Variants in DNAH5 observed in about 807,000 individuals in gnomAD.
DNAH5 encodes axonemal beta dynein heavy chain 5.
In DNAH5, 372 loss-of-function variants were observed where a neutral mutation model predicts 518.2. That is an observed-to-expected ratio of 0.72 (90% confidence interval 0.66 to 0.78). The LOEUF (loss-of-function observed/expected upper bound fraction) is 0.78. Ranked by LOEUF, DNAH5 falls within the 30% of genes least tolerant of loss-of-function variation. The probability of loss-of-function intolerance (pLI) is 0.00; values close to 1 mark genes in which losing one functional copy is unlikely to be tolerated. For missense variants in DNAH5, 5,523 were observed against 5,687.0 expected (o/e 0.97, Z 0.93); for synonymous variants, 2,039 against 2,025.9 (o/e 1.01, Z -0.17).
intron 47 of DNAH5, among the ~76,000 whole-genome samples, chr5:13,796,690 G>GA (rs1251195584): frequency 6.6e-6 from 1 of 152,038 alleles, no homozygotes; most frequent in Non-Finnish European, 1.5e-5. Flanking sequence ...CACAGAATTG[G>GA]AAAAAACTAC....
At chr5:13,706,603 C>A (rs749776869) in intron 76 of DNAH5, among the ~76,000 whole-genome samples, 4 of 152,212 alleles carry the variant, frequency 2.6e-5, no homozygotes, top group Non-Finnish European at 5.9e-5. Flanking sequence ...CAGACACATG[C>A]ACACACAAAT....
At chr5:13,708,017 A>G in intron 76 of DNAH5, 106 bp downstream of exon 76, 1 of 1,358,782 alleles carries the variant, frequency 7.4e-7, no homozygotes, top group Non-Finnish European at 1.1e-6. Flanking sequence ...GTCCCTGTGC[A>G]AAAGAATCAT....
chr5:13,729,355 C>G (rs1746187056), intron 69 of DNAH5, 84 bp downstream of exon 69: 1 of 1,564,926 alleles, frequency 6.4e-7, no homozygotes, highest in South Asian at 1.1e-5. Flanking sequence ...AGAACTATCT[C>G]TCTTCCACAA....
At chr5:13,749,740 C>T (rs1749938122) in intron 65 of DNAH5, among the ~76,000 whole-genome samples, 1 of 152,182 alleles carries the variant, frequency 6.6e-6, no homozygotes, top group Non-Finnish European at 1.5e-5. Context: ...CCAAAAGACC[C>T]TCAGGAACTT....
intron 52 of DNAH5, 39 bp from the exon 53 acceptor site, chr5:13,780,998 T>G: frequency 6.2e-7 from 1 of 1,607,752 alleles, no homozygotes; most frequent in Non-Finnish European, 8.5e-7. Context: ...TCTTTCAACA[T>G]GTAAATGTTC....
At chr5:13,887,507 A>C (rs896913185) in intron 17 of DNAH5, among the ~76,000 whole-genome samples, 22 of 152,154 alleles carry the variant, frequency 1.4e-4, no homozygotes, top group African/African-American at 5.3e-4. Context: ...ACTAACCTCC[A>C]TGATGACACC....
At chr5:14,008,925 G>C (rs954581871) in intron 1 of DNAH5, among the ~76,000 whole-genome samples, 1 of 152,140 alleles carries the variant, frequency 6.6e-6, no homozygotes, top group African/African-American at 2.4e-5. Context: ...CCCATGCATC[G>C]GGCCTGGCCA....
intron 52 of DNAH5, among the ~76,000 whole-genome samples, chr5:13,784,185 T>G (rs550525745): frequency 1.5e-4 from 23 of 152,294 alleles, no homozygotes; most frequent in African/African-American, 5.5e-4. Context: ...CCCAGGTCAT[T>G]CAGATTCTGT....
chr5:13,769,274 G>A (rs1752967907), intron 57 of DNAH5, 138 bp from the exon 58 acceptor site: 12 of 909,264 alleles, frequency 1.3e-5, no homozygotes, highest in East Asian at 2.6e-5. Context: ...TTGAGATGGA[G>A]TCTCGCTCTG....
At chr5:13,859,650 G>T (rs747618949) in intron 29 of DNAH5, 45 bp from the exon 30 acceptor site, 1 of 1,579,056 alleles carries the variant, frequency 6.3e-7, no homozygotes, top group Non-Finnish European at 8.7e-7. Context: ...TTTTTGTTGT[G>T]CTGTTGTTTC....
At chr5:13,840,850 G>A (rs1445015678) in intron 34 of DNAH5, 56 bp downstream of exon 34, 1 of 1,392,320 alleles carries the variant, frequency 7.2e-7, no homozygotes. Context: ...GGTAAATGCA[G>A]ATAGTGTCTA....
At chr5:13,751,385 G>C in intron 64 of DNAH5, 125 bp from the exon 65 acceptor site, 1 of 985,580 alleles carries the variant, frequency 1.0e-6, no homozygotes, top group Non-Finnish European at 1.5e-6. Context: ...TACTAAAAAA[G>C]AAATGGTCAT....
intron 42 of DNAH5, among the ~76,000 whole-genome samples, chr5:13,816,944 T>C (rs1761527064): frequency 6.6e-6 from 1 of 152,140 alleles, no homozygotes; most frequent in East Asian, 1.9e-4. Flanking sequence ...TGATGTCACC[T>C]CTTCCCACCG....
chr5:13,691,763 T>C lies in DNAH5; in HGVS notation c.*221A>G. 1.7e-6 allele frequency: 1 copy of C among 575,452 alleles called. No homozygotes were observed. The highest frequency in any genetic ancestry group is 3.0e-6 in the Non-Finnish European group (1 of 328,726). The allele number at this position is 575,452 out of a possible 1,614,324, so 35.6% of individuals were successfully genotyped here. ...TCATTAGGATGCTGTAAATTTACTTTTATATCACTAAATAACATTTTCAAC... is the reference window on the plus strand; with the variant it reads ...TCATTAGGATGCTGTAAATTTACTTCTATATCACTAAATAACATTTTCAAC... On this transcript the variant is annotated 3_prime_UTR_variant, in exon 79 of 79. Coordinates refer to ENST00000265104, the MANE Select transcript of DNAH5 (RefSeq NM_001369.3).
rs184560959 is a variant in DNAH5, at chr5:13,729,685, A to G, written c.11762-125T>C. On this transcript the variant is annotated intron_variant, in intron 68 of 78. Transcript: ENST00000265104. ...CTTTCACTTTTTTAAGCACAGAAAT[A>G]TAAATCATAGTGAGAAACATGCAAC... is the stretch of plus-strand genomic sequence containing the variant. The G allele has an allele frequency of 2.0e-3, 1,703 of 864,530 alleles. 3 individuals carry two copies. Among genetic ancestry groups the G allele is most frequent in the Admixed American group, 3.6e-3 (129 of 35,652 alleles). 53.6% of individuals were successfully genotyped at this position (864,530 alleles called of 1,614,324 possible).
At chr5:13,781,870 G>C (rs1227013955) in intron 52 of DNAH5, among the ~76,000 whole-genome samples, 1 of 152,150 alleles carries the variant, frequency 6.6e-6, no homozygotes, top group Non-Finnish European at 1.5e-5. Context: ...GGCAAAGACA[G>C]TGATACCTAA....
chr5:13,760,885 C>T (rs1179493091), intron 60 of DNAH5, among the ~76,000 whole-genome samples: 1 of 152,220 alleles, frequency 6.6e-6, no homozygotes, highest in Non-Finnish European at 1.5e-5. Context: ...TGACAATATG[C>T]ACTCACTGCC....
intron 61 of DNAH5, among the ~76,000 whole-genome samples, chr5:13,755,176 CT>C (rs1484302529): frequency 6.6e-6 from 1 of 152,018 alleles, no homozygotes; most frequent in Non-Finnish European, 1.5e-5. Flanking sequence ...GCAACAATTG[CT>C]TATTCTACTT....
chr5:13,820,824 CA>C lies in DNAH5; in HGVS notation c.6688-326del, dbSNP rs70964510. Among the ~76,000 whole-genome samples, 81 of 66,472 alleles carry C rather than the reference CA, an allele frequency of 1.2e-3. No individual in the cohort carries two copies. The South Asian group carries it at 0.016, about 13-fold the overall frequency. 43.6% of individuals were successfully genotyped at this position (66,472 alleles called of 152,430 possible). A position where few individuals can be genotyped will look rare whatever the true frequency, so the allele number is the denominator to read the frequency against. ...TGGGCAACAGAGCAATACTCCGTCT[CA>C]AAAAAAAAAAAAAAAAAAACACATC... On this transcript the variant is annotated intron_variant, in intron 40 of 78. Transcript: ENST00000265104.
Sources: gnomAD v4.1 joint callset for allele counts (sites outside exome capture counted in the v4.1 genomes callset) on GRCh38, gnomAD v4.1.1 for gene constraint, MANE v1.5 for transcripts, NCBI Gene and HGNC (gene_info 2026-07-23, HGNC 2026-07-21) for gene names.